Variants in SYN3 observed in about 807,000 individuals in gnomAD.
SYN3 encodes synapsin-3.
In SYN3, 35 loss-of-function variants were observed where a neutral mutation model predicts 65.8. The ratio of observed to expected loss-of-function variants is 0.53; its 90% CI spans 0.41 to 0.70. SYN3 has a LOEUF of 0.70. SYN3 is among the 30% of genes least tolerant of loss of function. The pLI is 0.00. For synonymous variants in SYN3, 270 were observed against 292.9 expected, an observed-to-expected ratio of 0.92 and a Z score of 0.80; for missense variants, 680 against 749.0, an observed-to-expected ratio of 0.91 and a Z score of 1.08.
At chr22:32,581,095 A>G (rs948905907) in intron 7 of SYN3, among the ~76,000 whole-genome samples, 1 of 152,146 alleles carries the variant, frequency 6.6e-6, no homozygotes, top group South Asian at 2.1e-4. Context: ...TCCACTAGGG[A>G]CATTTACTGG....
At chr22:32,591,194 A>G (rs1272730753) in intron 7 of SYN3, among the ~76,000 whole-genome samples, 1 of 152,236 alleles carries the variant, frequency 6.6e-6, no homozygotes, top group Non-Finnish European at 1.5e-5. Context: ...AGCCACCGTA[A>G]TAACAATCTG....
At chr22:33,037,936 G>C (rs761482764) in intron 1 of SYN3, among the ~76,000 whole-genome samples, 3 of 150,958 alleles carry the variant, frequency 2.0e-5, no homozygotes, top group Non-Finnish European at 4.4e-5. Context: ...GTAAAAATTA[G>C]GATGGAAGAA....
intron 6 of SYN3, chr22:32,860,868 C>T (rs1425051536): frequency 6.6e-6 from 1 of 150,874 alleles, no homozygotes; most frequent in Non-Finnish European, 1.5e-5. Flanking sequence ...TTGTTGGTCA[C>T]TGGGGAAAGC....
At chr22:33,041,695 A>C (rs1298030556) in intron 1 of SYN3, among the ~76,000 whole-genome samples, 2 of 152,104 alleles carry the variant, frequency 1.3e-5, no homozygotes, top group Non-Finnish European at 2.9e-5. Flanking sequence ...CCTGCCATGC[A>C]TGTCATGCCT....
intron 6 of SYN3, among the ~76,000 whole-genome samples, chr22:32,829,400 C>T (rs943485777): frequency 1.3e-5 from 2 of 152,220 alleles, no homozygotes; most frequent in African/African-American, 4.8e-5. Flanking sequence ...CCAGTTGGCA[C>T]TTCATTATGG....
intron 6 of SYN3, among the ~76,000 whole-genome samples, chr22:32,850,109 G>A (rs1380124050): frequency 6.7e-6 from 1 of 149,824 alleles, no homozygotes; most frequent in Non-Finnish European, 1.5e-5. Context: ...ATCCTAGATA[G>A]TTAGCAATGT....
At chr22:32,883,610 G>A (rs1297878592) in intron 4 of SYN3, among the ~76,000 whole-genome samples, 1 of 152,200 alleles carries the variant, frequency 6.6e-6, no homozygotes, top group African/African-American at 2.4e-5. Flanking sequence ...CCTGGGTTTG[G>A]AGATTTTTAG....
chr22:32,954,789 G>A (rs2051396544), intron 3 of SYN3, among the ~76,000 whole-genome samples: 1 of 151,996 alleles, frequency 6.6e-6, no homozygotes. Flanking sequence ...CCATAGTGAG[G>A]GGACATATTG....
At chr22:32,560,072 G>C (rs956373777) in intron 7 of SYN3, among the ~76,000 whole-genome samples, 1 of 152,232 alleles carries the variant, frequency 6.6e-6, no homozygotes, top group Non-Finnish European at 1.5e-5. Context: ...CCTCCCAAGT[G>C]CTGGCAGGCC....
chr22:33,040,959 G>T (rs997976664), intron 1 of SYN3, among the ~76,000 whole-genome samples: 1 of 152,076 alleles, frequency 6.6e-6, no homozygotes, highest in Non-Finnish European at 1.5e-5. Context: ...TCTGTTGCCA[G>T]GCTGGAGTGC....
chr22:32,723,424 C>T (rs758508617), intron 6 of SYN3, among the ~76,000 whole-genome samples: 12 of 152,168 alleles, frequency 7.9e-5, no homozygotes, highest in African/African-American at 1.9e-4. Context: ...TAAACAGAGA[C>T]GTGGGGACTG....
chr22:32,890,072 CTTTT>C (rs5845051), intron 4 of SYN3, among the ~76,000 whole-genome samples: 1 of 58,282 alleles, frequency 1.7e-5, no homozygotes, highest in African/African-American at 6.9e-5. Flanking sequence ...GATTTAGCTG[CTTTT>C]TTTTTTTTTT....
chr22:32,645,389 G>T (rs1313772033), intron 6 of SYN3, among the ~76,000 whole-genome samples: 1 of 151,780 alleles, frequency 6.6e-6, no homozygotes, highest in African/African-American at 2.4e-5. Context: ...AGGCAGAGGT[G>T]GCGGTGAGCG....
chr22:32,894,620 G>A (rs1450588545), intron 4 of SYN3, among the ~76,000 whole-genome samples: 1 of 152,232 alleles, frequency 6.6e-6, no homozygotes, highest in African/African-American at 2.4e-5. Flanking sequence ...TCCACCTGTG[G>A]CAGTCAAGTT....
intron 12 of SYN3, among the ~76,000 whole-genome samples, chr22:32,523,475 T>C (rs2057923640): frequency 6.6e-6 from 1 of 152,174 alleles, no homozygotes. Context: ...ATTGTGCAAC[T>C]GTACTCCAGC....
intron 1 of SYN3, among the ~76,000 whole-genome samples, chr22:33,054,806 T>C (rs2054228904): frequency 6.6e-6 from 1 of 152,250 alleles, no homozygotes; most frequent in Non-Finnish European, 1.5e-5. Flanking sequence ...TTTTGTTTAT[T>C]CAGTCACTTA....
chr22:32,576,011 A>G (rs2058845697), intron 7 of SYN3, among the ~76,000 whole-genome samples: 1 of 152,172 alleles, frequency 6.6e-6, no homozygotes, highest in Admixed American at 6.5e-5. Context: ...AAAATAAAAT[A>G]ATGATGAGCG....
At chr22:32,901,355 A>C (rs1268796285) in intron 4 of SYN3, among the ~76,000 whole-genome samples, 1 of 152,250 alleles carries the variant, frequency 6.6e-6, no homozygotes, top group Non-Finnish European at 1.5e-5. Flanking sequence ...GGACATGAGC[A>C]CTGAATTAGC....
intron 3 of SYN3, among the ~76,000 whole-genome samples, chr22:32,952,263 G>A (rs989978857): frequency 6.6e-6 from 1 of 151,594 alleles, no homozygotes; most frequent in Admixed American, 6.6e-5. Flanking sequence ...GAGTGTGTGT[G>A]TGCGCACACG....
Sources: gnomAD v4.1 joint callset for allele counts (sites outside exome capture counted in the v4.1 genomes callset) on GRCh38, gnomAD v4.1.1 for gene constraint, MANE v1.5 for transcripts, NCBI Gene and HGNC (gene_info 2026-07-23, HGNC 2026-07-21) for gene names.